Variants in NELFA observed in about 807,000 individuals in gnomAD.
The protein encoded by NELFA is negative elongation factor complex member A, also known as negative elongation factor A.
Under a neutral mutation model 51.8 loss-of-function variants are expected in NELFA, and 35 were observed. The ratio of observed to expected loss-of-function variants is 0.68; its 90% CI spans 0.52 to 0.90. NELFA has a LOEUF of 0.90. Ranked by LOEUF, NELFA falls within the 40% of genes least tolerant of loss-of-function variation. The probability of loss-of-function intolerance (pLI) is 0.00; values close to 1 mark genes in which losing one functional copy is unlikely to be tolerated. For missense variants in NELFA, 658 were observed against 746.4 expected (o/e 0.88, Z 1.38); for synonymous variants, 417 against 338.4 (o/e 1.23, Z -2.55).
At chr4:2,006,832 G>A (rs1410236628) in intron 1 of NELFA, among the ~76,000 whole-genome samples, 1 of 149,858 alleles carries the variant, frequency 6.7e-6, no homozygotes, top group East Asian at 1.9e-4. Flanking sequence ...AAGGACAACT[G>A]GGAGATATTT....
intron 7 of NELFA, among the ~76,000 whole-genome samples, chr4:1,985,442 C>T (rs1267099032): frequency 6.6e-6 from 1 of 152,126 alleles, no homozygotes; most frequent in Admixed American, 6.5e-5. Context: ...CCCCCACAGG[C>T]CTGTCCTGCA....
intron 8 of NELFA, among the ~76,000 whole-genome samples, 164 bp from the exon 9 acceptor site, chr4:1,984,277 C>T (rs1473767475): frequency 6.6e-6 from 1 of 152,204 alleles, no homozygotes; most frequent in East Asian, 1.9e-4. Flanking sequence ...GAAGCCCCAG[C>T]CAGAGGAACA....
At chr4:1,995,293 A>G (rs1728392558) in intron 1 of NELFA, among the ~76,000 whole-genome samples, 1 of 152,184 alleles carries the variant, frequency 6.6e-6, no homozygotes, top group African/African-American at 2.4e-5. Flanking sequence ...GTATGTGTCT[A>G]TATACCCTCT....
At chr4:2,007,802 C>A (rs1728748423) in intron 1 of NELFA, among the ~76,000 whole-genome samples, 1 of 152,150 alleles carries the variant, frequency 6.6e-6, no homozygotes, top group African/African-American at 2.4e-5. Flanking sequence ...CCATACATGT[C>A]ATATCTCAAT....
chr4:1,994,385 C>T (rs1728365577), intron 1 of NELFA, among the ~76,000 whole-genome samples: 1 of 151,866 alleles, frequency 6.6e-6, no homozygotes, highest in South Asian at 2.1e-4. Flanking sequence ...TCCAACATGG[C>T]GAAACCCCAT....
intron 1 of NELFA, among the ~76,000 whole-genome samples, chr4:1,993,078 T>A (rs1728322342): frequency 6.6e-6 from 1 of 152,242 alleles, no homozygotes; most frequent in African/African-American, 2.4e-5. Flanking sequence ...CCCGGCTGTT[T>A]CCAGCCAGTG....
chr4:1,993,669 C>T (rs1196927685), intron 1 of NELFA, among the ~76,000 whole-genome samples: 5 of 152,022 alleles, frequency 3.3e-5, no homozygotes, highest in Admixed American at 3.3e-4. Context: ...TTACTTCTCA[C>T]GGTTCTGGAG....
Position 1,986,368 on chromosome 4 carries a change from G to A in NELFA, c.669C>T (p.Phe223=). ...PLKGIPKQAP[F]RSPTAPSVFS... ...AGACGCTGGGCGCCGTGGGGCTTCTGAAGGGCGCCTGCTTCGGGATGCCTT... is the reference window on the plus strand; with the variant it reads ...AGACGCTGGGCGCCGTGGGGCTTCTAAAGGGCGCCTGCTTCGGGATGCCTT... The change falls in exon 5 of 11, where the codon TTC becomes TTT. Residue 223 remains phenylalanine, a synonymous_variant. Coordinates refer to ENST00000382882, the MANE Select transcript of NELFA (RefSeq NM_005663.5). 6.2e-7 allele frequency: 1 copy of A among 1,610,434 alleles called. No individual in the cohort carries two copies. The highest frequency in any genetic ancestry group is 8.5e-7 in the Non-Finnish European group (1 of 1,178,736).
chr4:1,986,585 C>T, intron 4 of NELFA, 183 bp from the exon 5 acceptor site: 6 of 846,460 alleles, frequency 7.1e-6, no homozygotes, highest in Non-Finnish European at 8.9e-6. Flanking sequence ...CGCCTGGAGC[C>T]ACGACCTCAC....
chr4:1,990,443 A>G (rs1728237920), intron 2 of NELFA: 2 of 456,612 alleles, frequency 4.4e-6, no homozygotes, highest in South Asian at 1.5e-5. Context: ...AGGCAGGCAC[A>G]TGAGAGTTCA....
chr4:1,991,871 G>T, intron 1 of NELFA, 156 bp from the exon 2 acceptor site: 1 of 731,690 alleles, frequency 1.4e-6, no homozygotes, highest in Non-Finnish European at 2.2e-6. Context: ...TGAGCCCCCC[G>T]CCTCACCCCA....
chr4:1,998,109 C>CAAT (rs59682948), intron 1 of NELFA, among the ~76,000 whole-genome samples: 46,771 of 151,732 alleles, frequency 0.31, 7,574 homozygotes, highest in African/African-American at 0.41. Context: ...ACAACAACAA[C>CAAT]AACAACCACA....
At chr4:2,002,424 G>C (rs1728606540) in intron 1 of NELFA, among the ~76,000 whole-genome samples, 1 of 152,062 alleles carries the variant, frequency 6.6e-6, no homozygotes, top group Admixed American at 6.6e-5. Flanking sequence ...ATATAGCCAA[G>C]ACAATCCTAA....
chr4:1,988,315 C>A (rs978578218), intron 3 of NELFA, among the ~76,000 whole-genome samples: 1 of 152,252 alleles, frequency 6.6e-6, no homozygotes, highest in Admixed American at 6.5e-5. Context: ...TCGACCCGGG[C>A]CTCCCCCTGG....
rs1728159320 is a variant in NELFA at position 1,987,967 on chromosome 4, C to T, written c.585G>A (p.Val195=). The T allele has an allele frequency of 6.2e-7, 1 of 1,611,240 alleles. No homozygotes were observed. The highest frequency in any genetic ancestry group is 1.7e-5 in the Admixed American group (1 of 59,900). Residue 195 remains valine, a synonymous_variant, in exon 4 of 11, where the codon GTG becomes GTA. Coordinates refer to ENST00000382882, the MANE Select transcript of NELFA (RefSeq NM_005663.5). ...TAQQLKRSAG[V]PFHAKGRGLL... The stretch of plus-strand genomic sequence containing the variant: ...GCCCCCGGCCCTTGGCGTGGAAGGG[C>T]ACCCCGGCGCTCCGCTTCAACTGCT...
chr4:1,997,800 G>A (rs563728732), intron 1 of NELFA, among the ~76,000 whole-genome samples: 29 of 152,252 alleles, frequency 1.9e-4, no homozygotes, highest in African/African-American at 7.0e-4. Context: ...CATTAAATGG[G>A]TCCTGCTCCC....
intron 4 of NELFA, 193 bp from the exon 5 acceptor site, chr4:1,986,595 C>T: frequency 1.3e-6 from 1 of 797,602 alleles, no homozygotes; most frequent in Non-Finnish European, 1.9e-6. Context: ...CACGACCTCA[C>T]ACTTTGCCAA....
chr4:1,999,036 A>G (rs1728503457), intron 1 of NELFA, among the ~76,000 whole-genome samples: 1 of 152,174 alleles, frequency 6.6e-6, no homozygotes, highest in Non-Finnish European at 1.5e-5. Context: ...AGAATTTAAT[A>G]TCCAGCCAAA....
At chr4:1,993,817 G>C (rs1728350881) in intron 1 of NELFA, among the ~76,000 whole-genome samples, 1 of 130,592 alleles carries the variant, frequency 7.7e-6, no homozygotes, top group African/African-American at 3.0e-5. Flanking sequence ...TTTTTTTTGA[G>C]ACAGAGTCTC....
Sources: gnomAD v4.1 joint callset for allele counts (sites outside exome capture counted in the v4.1 genomes callset) on GRCh38, gnomAD v4.1.1 for gene constraint, MANE v1.5 for transcripts, NCBI Gene and HGNC (gene_info 2026-07-23, HGNC 2026-07-21) for gene names.